RAB40B: variants seen among roughly 807,000 people sequenced by gnomAD.
RAB40B encodes ras-related protein Rab-40B.
RAB40B carries 21 observed loss-of-function variants against 24.0 expected under a neutral mutation model. The observed-to-expected ratio is 0.88, with a 90% CI of 0.62 to 1.26. The LOEUF is 1.26. Ranked by LOEUF, RAB40B falls within the 50% of genes most tolerant of loss-of-function variation. RAB40B has a pLI of 0.00. For missense variants in RAB40B, 348 were observed against 390.5 expected, an observed-to-expected ratio of 0.89 and a Z score of 0.92; for synonymous variants, 167 against 169.8, an observed-to-expected ratio of 0.98 and a Z score of 0.13.
intron 1 of RAB40B, among the ~76,000 whole-genome samples, chr17:82,681,781 C>T (rs1198949238): frequency 6.6e-6 from 1 of 151,948 alleles, no homozygotes; most frequent in East Asian, 1.9e-4. Flanking sequence ...AAAAGAAAAA[C>T]CCACATGATC....
chr17:82,671,625 AC>A (rs768804451), intron 1 of RAB40B, among the ~76,000 whole-genome samples: 1,654 of 84,166 alleles, frequency 0.02, 55 homozygotes, highest in Middle Eastern at 0.06. Context: ...GACACAGCTC[AC>A]CCCGTAACTC....
At position 82,692,527 on chromosome 17, in the gene RAB40B, A is replaced by G; in HGVS notation, c.142+5928T>C. On this transcript the variant is annotated intron_variant, in intron 1 of 5. Coordinates refer to ENST00000571995, the MANE Select transcript of RAB40B (RefSeq NM_006822.3). The surrounding 1 kb of genome is among the most constrained non-coding windows in gnomAD (Gnocchi z 4.0). ...ACACACACAAGAGACAGGCGGGCCA[A>G]CGGTGCAGACCCAGACCCACAGGCG... Among the ~76,000 whole-genome samples the G allele has an allele frequency of 6.6e-6, 1 of 151,582 alleles. No homozygotes were observed. Among genetic ancestry groups the G allele is most frequent in the Admixed American group, 6.6e-5 (1 of 15,226 alleles).
At chr17:82,662,310 G>A (rs2046184167) in intron 2 of RAB40B, 1 of 985,482 alleles carries the variant, frequency 1.0e-6, no homozygotes, top group African/African-American at 1.7e-5. Context: ...CACACAGCGG[G>A]AGCTGCCCAA....
chr17:82,666,154 G>C (rs780805427), intron 1 of RAB40B, among the ~76,000 whole-genome samples: 11 of 152,102 alleles, frequency 7.2e-5, no homozygotes, highest in Non-Finnish European at 1.3e-4. Flanking sequence ...GTGTTGCCCA[G>C]GCTGGTCAAC....
At position 82,679,505 on chromosome 17, in the gene RAB40B, TCTC is replaced by T. The variant is rs1234756802; in HGVS notation, c.143-14952_143-14950del. On this transcript the variant is annotated intron_variant, in intron 1 of 5. Transcript: ENST00000571995. ...ACTGTGTTAGCCAGGATGGTCTCGATCTCCTGATCTTGTGATCCGCCTTGGCCT... is the reference window on the plus strand; with the variant it reads ...ACTGTGTTAGCCAGGATGGTCTCGATCTGATCTTGTGATCCGCCTTGGCCT... Among the ~76,000 whole-genome samples the T allele has an allele frequency of 2.6e-5, 4 of 151,936 alleles. No homozygotes were observed. In the East Asian group the frequency reaches 7.8e-4, roughly 30 times the overall value.
At chr17:82,695,340 CG>C (rs990802083) in intron 1 of RAB40B, among the ~76,000 whole-genome samples, 15 of 150,862 alleles carry the variant, frequency 9.9e-5, no homozygotes, top group African/African-American at 3.7e-4. Flanking sequence ...TACAGGCACG[CG>C]GCACCACGCC....
chr17:82,677,644 C>T (rs1335062781), intron 1 of RAB40B, among the ~76,000 whole-genome samples: 1 of 152,234 alleles, frequency 6.6e-6, no homozygotes, highest in African/African-American at 2.4e-5. Context: ...TTCCAATCCT[C>T]GTCCACCACC....
intron 1 of RAB40B, among the ~76,000 whole-genome samples, chr17:82,686,392 A>C (rs1417109150): frequency 6.6e-6 from 1 of 152,170 alleles, no homozygotes; most frequent in African/African-American, 2.4e-5. Flanking sequence ...GATTATAGGC[A>C]TGAGCCACCG....
chr17:82,655,803 G>A lies in RAB40B; in HGVS notation c.*2060C>T, dbSNP rs2046082464. ...ACACCCCTGCCTCCCCGTGGACTTTGTCCCCGTGGCTGCCGTGCCCAGGTG... is the reference window on the plus strand; with the variant it reads ...ACACCCCTGCCTCCCCGTGGACTTTATCCCCGTGGCTGCCGTGCCCAGGTG... On this transcript the variant is annotated 3_prime_UTR_variant, in exon 6 of 6. Coordinates refer to ENST00000571995, the MANE Select transcript of RAB40B (RefSeq NM_006822.3). The A allele has an allele frequency of 6.6e-6, 1 of 152,282 alleles. No homozygotes were observed. The highest frequency in any genetic ancestry group is 2.4e-5 in the African/African-American group (1 of 41,438). The allele number at this position is 152,282 out of a possible 1,614,324, so 9.4% of individuals were successfully genotyped here.
chr17:82,657,434 G>A lies in RAB40B; in HGVS notation c.*429C>T, dbSNP rs2046096556. The A allele has an allele frequency of 9.2e-6, 3 of 326,930 alleles. No homozygotes were observed. Among genetic ancestry groups the A allele is most frequent in the South Asian group, 5.1e-5 (2 of 39,390 alleles). 20.3% of individuals were successfully genotyped at this position (326,930 alleles called of 1,614,324 possible). A position where few individuals can be genotyped will look rare whatever the true frequency, so the allele number is the denominator to read the frequency against. ...ATTGGCGCTTTGACATTGAAAAGGA[G>A]GTTTACAAAAAGACCCCTCTCGTAA... On this transcript the variant is annotated 3_prime_UTR_variant, in exon 6 of 6. Coordinates refer to ENST00000571995, the MANE Select transcript of RAB40B (RefSeq NM_006822.3).
At position 82,698,614 on chromosome 17, in the gene RAB40B, C is replaced by T; in HGVS notation, c.-18G>A. ...GCGCTCATCGTGACGGCCCGGCGCC[C>T]CCACCCATGCCCGGCCTGCGGGGCT... On this transcript the variant is annotated 5_prime_UTR_variant, in exon 1 of 6. Transcript: ENST00000571995. 1 of 1,424,918 alleles carries T rather than the reference C, an allele frequency of 7.0e-7. No individual in the cohort carries two copies. Among genetic ancestry groups the T allele is most frequent in the Non-Finnish European group, 9.3e-7 (1 of 1,072,554 alleles). 88.3% of individuals were successfully genotyped at this position (1,424,918 alleles called of 1,614,324 possible).
chr17:82,665,450 C>T (rs1222133841), intron 1 of RAB40B, among the ~76,000 whole-genome samples: 2 of 152,108 alleles, frequency 1.3e-5, no homozygotes, highest in African/African-American at 4.8e-5. Context: ...GACGGGGTTT[C>T]GCTATGTTTC....
chr17:82,686,989 G>A (rs1173334851), intron 1 of RAB40B, among the ~76,000 whole-genome samples: 2 of 151,930 alleles, frequency 1.3e-5, no homozygotes, highest in Non-Finnish European at 2.9e-5. Context: ...GAGGCTCAGA[G>A]CTCAGGGGTA....
chr17:82,659,853 A>T, intron 3 of RAB40B, 196 bp from the exon 4 acceptor site: 2 of 561,340 alleles, frequency 3.6e-6, no homozygotes, highest in South Asian at 4.0e-5. Context: ...TAAACCCTCA[A>T]ATGTCACGGT....
At chr17:82,658,767 G>C in intron 4 of RAB40B, 54 bp from the exon 5 acceptor site, 1 of 1,515,402 alleles carries the variant, frequency 6.6e-7, no homozygotes, top group East Asian at 2.3e-5. Flanking sequence ...AGATTTTGTT[G>C]TCGTCGTAAT....
intron 1 of RAB40B, chr17:82,696,523 G>A (rs907210690): frequency 3.8e-5 from 6 of 157,990 alleles, no homozygotes. Context: ...ATCCCTCACT[G>A]AGCCCAGACC....
chr17:82,663,663 A>T lies in RAB40B; in HGVS notation c.203+833T>A, dbSNP rs1216243594. On this transcript the variant is annotated intron_variant, in intron 2 of 5. Transcript: ENST00000571995. This position sits in a 1 kb window ranked among gnomAD's most constrained non-coding sequence, Gnocchi z 6.2. ...CCCCACGTCTGGGTCCTCCACCCGCAGGCCCGACCACAGCCCCGCTGGCAC... is the reference window on the plus strand; with the variant it reads ...CCCCACGTCTGGGTCCTCCACCCGCTGGCCCGACCACAGCCCCGCTGGCAC... 1.3e-5 allele frequency among the ~76,000 whole-genome samples: 2 copies of T among 151,966 alleles called. No individual in the cohort carries two copies. Among genetic ancestry groups the T allele is most frequent in the African/African-American group, 2.4e-5 (1 of 41,372 alleles).
Position 82,674,826 on chromosome 17 carries a change from A to T in RAB40B, c.143-10270T>A, listed in dbSNP as rs80282627. On this transcript the variant is annotated intron_variant, in intron 1 of 5. Coordinates refer to ENST00000571995, the MANE Select transcript of RAB40B (RefSeq NM_006822.3). ...GTGGGAAGAACGAACCCCAGAATGA[A>T]CCTAACACAGAAGAAAGCAGGGCCA... Among the ~76,000 whole-genome samples the T allele has an allele frequency of 3.8e-3, 578 of 152,096 alleles. 4 individuals carry two copies. The highest frequency in any genetic ancestry group is 0.013 in the African/African-American group (554 of 41,462).
rs746826996 is a variant in RAB40B, at chr17:82,659,358, G to A, written c.342+222C>T. 2.2e-4 allele frequency: 125 copies of A among 558,328 alleles called. 1 individual carries two copies. Among genetic ancestry groups the A allele is most frequent in the Non-Finnish European group, 1.8e-4 (56 of 312,554 alleles). The allele number at this position is 558,328 out of a possible 1,614,324, so 34.6% of individuals were successfully genotyped here. On this transcript the variant is annotated intron_variant, in intron 4 of 5. Coordinates refer to ENST00000571995, the MANE Select transcript of RAB40B (RefSeq NM_006822.3). ...GAGGTACGCCGTGGACGCTCGTTTC[G>A]TCTGGACCAGCTTCCTGAGCTTTCG...
Sources: allele counts gnomAD v4.1 joint callset (sites outside exome capture counted in the v4.1 genomes callset), GRCh38; gene constraint gnomAD v4.1.1; non-coding constraint Gnocchi (gnomAD v3.1); transcripts MANE v1.5; gene names NCBI Gene and HGNC (gene_info 2026-07-23, HGNC 2026-07-21).